The following RBFOX1 variants were observed in gnomAD, a reference collection of about 807,000 sequenced individuals.
The protein encoded by RBFOX1 is RNA binding fox-1 homolog 1, also known as RNA binding protein fox-1 homolog 1.
Under a neutral mutation model 57.7 loss-of-function variants are expected in RBFOX1, and 8 were observed. The ratio of observed to expected loss-of-function variants is 0.14; its 90% CI spans 0.08 to 0.25. RBFOX1 has a LOEUF of 0.25. Among genes scored for constraint, RBFOX1 ranks in the 10% least tolerant of loss-of-function variants. The pLI is 1.00. For synonymous variants in RBFOX1, 326 were observed against 222.4 expected, an observed-to-expected ratio of 1.47 and a Z score of -4.15; for missense variants, 611 against 548.5, an observed-to-expected ratio of 1.11 and a Z score of -1.14.
intron 2 of RBFOX1, among the ~76,000 whole-genome samples, chr16:6,490,738 C>A (rs902699897): frequency 4.6e-5 from 7 of 152,142 alleles, no homozygotes; most frequent in African/African-American, 1.7e-4. Flanking sequence ...CTACCTCCTC[C>A]CAGCCTGGAG....
chr16:5,971,392 G>T (rs1037881148), intron 4 of RBFOX1, among the ~76,000 whole-genome samples: 1 of 152,198 alleles, frequency 6.6e-6, no homozygotes, highest in South Asian at 2.1e-4. Context: ...GATATGCTGG[G>T]TGTGGGGACC....
At chr16:7,126,753 C>T (rs938647702) in intron 4 of RBFOX1, 1 of 152,028 alleles carries the variant, frequency 6.6e-6, no homozygotes, top group Non-Finnish European at 1.5e-5. Context: ...TTTCGAGAGG[C>T]TGAGGCGGGC....
At chr16:6,373,835 T>C (rs2090819010) in intron 2 of RBFOX1, among the ~76,000 whole-genome samples, 1 of 152,192 alleles carries the variant, frequency 6.6e-6, no homozygotes, top group Non-Finnish European at 1.5e-5. Context: ...TCTTTTTTGT[T>C]ATACTTCTGT....
chr16:6,450,790 CATAT>C (rs1202007078), intron 2 of RBFOX1, among the ~76,000 whole-genome samples: 1 of 35,146 alleles, frequency 2.8e-5, no homozygotes, highest in African/African-American at 1.3e-4. Flanking sequence ...TATATATATA[CATAT>C]ATATATGTAT....
chr16:6,913,354 T>G (rs1456794119), intron 3 of RBFOX1, among the ~76,000 whole-genome samples: 1 of 152,120 alleles, frequency 6.6e-6, no homozygotes, highest in East Asian at 1.9e-4. Context: ...TTTAACCCCC[T>G]TATGAGCGTG....
chr16:6,388,711 G>A (rs894395597), intron 2 of RBFOX1, among the ~76,000 whole-genome samples: 7 of 152,100 alleles, frequency 4.6e-5, no homozygotes, highest in African/African-American at 1.7e-4. Context: ...CTGCCTTCTA[G>A]CTTGGATGAC....
intron 3 of RBFOX1, among the ~76,000 whole-genome samples, chr16:6,686,445 C>A (rs1281067945): frequency 6.6e-6 from 1 of 152,196 alleles, no homozygotes; most frequent in Non-Finnish European, 1.5e-5. Flanking sequence ...GTTGTACTCA[C>A]AACGCAGCTT....
chr16:6,789,916 A>AT (rs1206192857), intron 3 of RBFOX1, among the ~76,000 whole-genome samples: 1 of 151,834 alleles, frequency 6.6e-6, no homozygotes, highest in East Asian at 1.9e-4. Flanking sequence ...TGGTTTATTA[A>AT]TTAGATCTAT....
At chr16:6,516,110 C>A (rs1453458747) in intron 2 of RBFOX1, among the ~76,000 whole-genome samples, 2 of 152,124 alleles carry the variant, frequency 1.3e-5, no homozygotes, top group Admixed American at 1.3e-4. Flanking sequence ...CTCACTGTAA[C>A]TTCCGCCGCC....
At chr16:6,948,362 T>C (rs1022075936) in intron 3 of RBFOX1, among the ~76,000 whole-genome samples, 62 of 150,244 alleles carry the variant, frequency 4.1e-4, no homozygotes, top group African/African-American at 1.4e-3. Context: ...CATGTCCTTT[T>C]CTTTCTCCCT....
At chr16:7,030,561 T>G (rs2042532344) in intron 3 of RBFOX1, among the ~76,000 whole-genome samples, 1 of 152,184 alleles carries the variant, frequency 6.6e-6, no homozygotes, top group Non-Finnish European at 1.5e-5. Context: ...TGTCTTCACA[T>G]GCTATTGTCT....
chr16:7,190,750 G>T (rs1364836626), intron 4 of RBFOX1, among the ~76,000 whole-genome samples: 2 of 152,150 alleles, frequency 1.3e-5, no homozygotes, highest in East Asian at 3.9e-4. Flanking sequence ...TAGGTTTGTA[G>T]AGCAAGTTTT....
intron 2 of RBFOX1, among the ~76,000 whole-genome samples, chr16:6,586,508 A>G (rs1600681818): frequency 1.3e-5 from 2 of 152,300 alleles, no homozygotes; most frequent in South Asian, 4.2e-4. Flanking sequence ...TTAAGGAAAA[A>G]AACAGTATTG....
At chr16:7,459,670 T>C (rs942542093) in intron 4 of RBFOX1, among the ~76,000 whole-genome samples, 1 of 152,234 alleles carries the variant, frequency 6.6e-6, no homozygotes, top group Non-Finnish European at 1.5e-5. Flanking sequence ...AGAAATTACC[T>C]AGAAATTGCA....
intron 4 of RBFOX1, among the ~76,000 whole-genome samples, chr16:5,958,895 A>G (rs1326615429): frequency 6.6e-6 from 1 of 152,144 alleles, no homozygotes; most frequent in East Asian, 1.9e-4. Context: ...TTGCAACTCT[A>G]GGCACACCCT....
intron 3 of RBFOX1, among the ~76,000 whole-genome samples, chr16:7,022,133 A>C (rs1476280066): frequency 2.1e-5 from 3 of 139,966 alleles, no homozygotes; most frequent in Non-Finnish European, 4.6e-5. Context: ...AGCAATCTCC[A>C]CTCACTGCAA....
intron 4 of RBFOX1, among the ~76,000 whole-genome samples, chr16:7,113,781 A>G (rs1336409273): frequency 2.0e-5 from 3 of 152,016 alleles, no homozygotes; most frequent in South Asian, 2.1e-4. Context: ...TTGCTCCCTT[A>G]TTGATGATGG....
intron 4 of RBFOX1, among the ~76,000 whole-genome samples, chr16:7,299,473 A>T (rs1011407410): frequency 6.6e-6 from 1 of 152,212 alleles, no homozygotes; most frequent in African/African-American, 2.4e-5. Context: ...ACACAGAATC[A>T]GGCTCTAATC....
intron 4 of RBFOX1, among the ~76,000 whole-genome samples, chr16:7,393,935 C>G (rs193185738): frequency 6.6e-6 from 1 of 152,104 alleles, no homozygotes; most frequent in Non-Finnish European, 1.5e-5. Context: ...GAGGCACCAG[C>G]TTTAAGGAGT....
Sources: allele counts gnomAD v4.1 joint callset (sites outside exome capture counted in the v4.1 genomes callset), GRCh38; gene constraint gnomAD v4.1.1; transcripts MANE v1.5; gene names NCBI Gene and HGNC (gene_info 2026-07-23, HGNC 2026-07-21).